SORT1: variants seen among roughly 807,000 people sequenced by gnomAD.
SORT1 encodes the protein sortilin.
A neutral mutation model predicts 101.7 loss-of-function variants in SORT1; 39 were observed. That is an observed-to-expected ratio of 0.38 (90% CI 0.30 to 0.50). SORT1 has a LOEUF of 0.50. SORT1 is among the 20% of genes least tolerant of loss of function. The probability of loss-of-function intolerance (pLI) is 0.90; values close to 1 mark genes in which losing one functional copy is unlikely to be tolerated. For synonymous variants in SORT1, 396 were observed against 393.7 expected (o/e 1.01, Z -0.07); for missense variants, 878 against 1,040.4 (o/e 0.84, Z 2.15).
In SORT1 at chr1:109,336,282, AG is replaced by A; in HGVS notation, c.1328del (p.Pro443LeufsTer30). The A allele has an allele frequency of 6.2e-7, 1 of 1,613,646 alleles. No homozygotes were observed. Among genetic ancestry groups the A allele is most frequent in the Non-Finnish European group, 8.5e-7 (1 of 1,179,522 alleles). ...QGGRWTHLRK[P>X]ENSECDATAK... ...CTGTAGCATCACATTCACTGTTTTCAGGCTTCCTCAGGTGCGTCCACCTTCC... is the reference window on the plus strand; with the variant it reads ...CTGTAGCATCACATTCACTGTTTTCAGCTTCCTCAGGTGCGTCCACCTTCC... On this transcript the variant is annotated frameshift_variant, in exon 11 of 20. Transcript: ENST00000256637. LOFTEE classifies it high-confidence loss of function.
chr1:109,337,197 C>G (rs1322313063), intron 10 of SORT1, among the ~76,000 whole-genome samples: 1 of 152,090 alleles, frequency 6.6e-6, no homozygotes, highest in Admixed American at 6.5e-5. Flanking sequence ...TAAACTGTTG[C>G]AGGTTTTAAA....
intron 3 of SORT1, among the ~76,000 whole-genome samples, chr1:109,363,072 C>T (rs1557811544): frequency 6.6e-6 from 1 of 152,040 alleles, no homozygotes; most frequent in Admixed American, 6.6e-5. Context: ...AATGCAAAAC[C>T]TCTTAATAGG....
At chr1:109,393,215 A>G (rs911033729) in intron 1 of SORT1, 2 of 985,310 alleles carry the variant, frequency 2.0e-6, no homozygotes, top group Non-Finnish European at 2.4e-6. Context: ...CGGCCTCTCT[A>G]CAGGGCCTGT....
chr1:109,375,023 G>A (rs1054028158), intron 1 of SORT1, among the ~76,000 whole-genome samples: 1 of 152,156 alleles, frequency 6.6e-6, no homozygotes, highest in African/African-American at 2.4e-5. Context: ...CTGTAGAAGA[G>A]GTGAGTGTGA....
At chr1:109,394,744 C>CA (rs1421698877) in intron 1 of SORT1, among the ~76,000 whole-genome samples, 1 of 152,166 alleles carries the variant, frequency 6.6e-6, no homozygotes, top group Admixed American at 6.5e-5. Context: ...AGGGCATTCA[C>CA]ATACATTGAT....
At chr1:109,344,236 G>A (rs1047618386) in intron 8 of SORT1, among the ~76,000 whole-genome samples, 4 of 152,122 alleles carry the variant, frequency 2.6e-5, no homozygotes, top group Non-Finnish European at 5.9e-5. Context: ...CGGCGCTCCC[G>A]CTGCTTCTGC....
chr1:109,310,170 T>C lies in SORT1; in HGVS notation c.*3873A>G, dbSNP rs945291664. 2.0e-5 allele frequency: 3 copies of C among 152,692 alleles called. No individual in the cohort carries two copies. The highest frequency in any genetic ancestry group is 7.2e-5 in the African/African-American group (3 of 41,462). The allele number at this position is 152,692 out of a possible 1,614,324, so 9.5% of individuals were successfully genotyped here. On this transcript the variant is annotated 3_prime_UTR_variant, in exon 20 of 20. Transcript: ENST00000256637. ...TATACAGTTTATATATGTATATATG[T>C]ACACACACATATATATAAAGGTACA...
At chr1:109,360,171 CA>C (rs1483876169) in intron 3 of SORT1, among the ~76,000 whole-genome samples, 1 of 152,164 alleles carries the variant, frequency 6.6e-6, no homozygotes, top group Non-Finnish European at 1.5e-5. Flanking sequence ...CCCATCTCTA[CA>C]AAGTATACAA....
chr1:109,330,024 C>T (rs1179609734), intron 11 of SORT1, among the ~76,000 whole-genome samples: 2 of 151,698 alleles, frequency 1.3e-5, no homozygotes, highest in Non-Finnish European at 2.9e-5. Flanking sequence ...TTTTTTGAGA[C>T]GGAGTCTCAC....
At chr1:109,366,910 CA>C (rs34860640) in intron 3 of SORT1, 99,233 of 141,448 alleles carry the variant, frequency 0.7, 34,501 homozygotes, top group East Asian at 0.96. Context: ...AGACCCTGCT[CA>C]AAAAAAAAAA....
At chr1:109,381,485 A>C (rs1247813866) in intron 1 of SORT1, among the ~76,000 whole-genome samples, 1 of 152,214 alleles carries the variant, frequency 6.6e-6, no homozygotes, top group Non-Finnish European at 1.5e-5. Flanking sequence ...TGTTTCAGGT[A>C]TTTACTGACA....
In SORT1 at chr1:109,319,842, G is replaced by C. The variant is rs562238732; in HGVS notation, c.2025-1873C>G. Among the ~76,000 whole-genome samples the C allele has an allele frequency of 2.0e-5, 3 of 151,918 alleles. No individual in the cohort carries two copies. The South Asian group carries it at 6.2e-4, about 32-fold the overall frequency. ...AGATCGCACCACTGTACTCCGGCCT[G>C]GGCGACAGCACGAGACTCCGTCTCA... On this transcript the variant is annotated intron_variant, in intron 15 of 19. Coordinates refer to ENST00000256637, the MANE Select transcript of SORT1 (RefSeq NM_002959.7).
chr1:109,378,466 T>C (rs1016758937), intron 1 of SORT1, among the ~76,000 whole-genome samples: 2 of 151,602 alleles, frequency 1.3e-5, no homozygotes, highest in Non-Finnish European at 2.9e-5. Flanking sequence ...CAATAAGTTA[T>C]GGCTCAATTG....
At chr1:109,321,918 T>C (rs1647659684) in intron 15 of SORT1, among the ~76,000 whole-genome samples, 1 of 152,162 alleles carries the variant, frequency 6.6e-6, no homozygotes, top group South Asian at 2.1e-4. Context: ...TAAGTCTGGA[T>C]GGTCCTGAAC....
intron 15 of SORT1, among the ~76,000 whole-genome samples, chr1:109,320,656 T>C (rs189017005): frequency 2.0e-4 from 30 of 152,356 alleles, no homozygotes; most frequent in Admixed American, 9.2e-4. Context: ...CTTTCAGCTC[T>C]ACATGAAATG....
intron 3 of SORT1, among the ~76,000 whole-genome samples, chr1:109,359,569 G>A (rs776427553): frequency 9.2e-5 from 14 of 151,930 alleles, no homozygotes; most frequent in Non-Finnish European, 1.9e-4. Flanking sequence ...GCATGATCTC[G>A]GCTCACTGCA....
At chr1:109,333,971 C>T (rs1388443383) in intron 11 of SORT1, among the ~76,000 whole-genome samples, 1 of 152,022 alleles carries the variant, frequency 6.6e-6, no homozygotes, top group Non-Finnish European at 1.5e-5. Flanking sequence ...ATGGTGAAAC[C>T]CCGTCACTAC....
chr1:109,338,150 C>T (rs893572625), intron 10 of SORT1, among the ~76,000 whole-genome samples: 2 of 152,086 alleles, frequency 1.3e-5, no homozygotes, highest in East Asian at 3.8e-4. Context: ...ATAGGATAGT[C>T]AGGGAAGGTC....
chr1:109,328,156 T>G (rs992130789), intron 11 of SORT1, among the ~76,000 whole-genome samples: 2 of 152,236 alleles, frequency 1.3e-5, no homozygotes, highest in African/African-American at 4.8e-5. Context: ...TAGACACAAG[T>G]TGCTTCTACC....
Sources: gnomAD v4.1 joint callset for allele counts (sites outside exome capture counted in the v4.1 genomes callset) on GRCh38, gnomAD v4.1.1 for gene constraint, MANE v1.5 for transcripts, NCBI Gene and HGNC (gene_info 2026-07-23, HGNC 2026-07-21) for gene names.